The following RTL9 variants were observed in gnomAD, a reference collection of about 807,000 sequenced individuals.
The protein encoded by RTL9 is retrotransposon Gag like 9, also known as retrotransposon Gag-like protein 9.
In RTL9, 19 loss-of-function variants were observed where a neutral mutation model predicts 44.7. That is an observed-to-expected ratio of 0.42 (90% CI 0.30 to 0.62). RTL9 has a LOEUF of 0.62. Ranked by LOEUF, RTL9 falls within the 20% of genes least tolerant of loss-of-function variation. The pLI is 0.16. For missense variants in RTL9, 1,105 were observed against 1,080.6 expected, an observed-to-expected ratio of 1.02 and a Z score of -0.32; for synonymous variants, 407 against 398.9, an observed-to-expected ratio of 1.02 and a Z score of -0.24.
At chrX:110,359,803 G>A (rs780943529) in intron 1 of RTL9, among the ~76,000 whole-genome samples, 1 of 111,693 alleles carries the variant, frequency 9.0e-6, no homozygotes, top group African/African-American at 3.3e-5. Flanking sequence ...TGCCAAATGA[G>A]TGGTCTGGTC....
At chrX:110,448,788 G>A (rs1220515233), upstream of RTL9, among the ~76,000 whole-genome samples, 1 of 110,252 alleles carries the variant, frequency 9.1e-6, no homozygotes, top group East Asian at 2.8e-4. Context: ...GGCTGGGCAC[G>A]AGGTATAAGT....
intron 1 of RTL9, among the ~76,000 whole-genome samples, chrX:110,388,583 C>A (rs747923505): frequency 2.7e-5 from 3 of 112,037 alleles, no homozygotes; most frequent in Non-Finnish European, 3.8e-5. Context: ...TTATTTAAAG[C>A]CTTGCCTTAG....
intron 1 of RTL9, among the ~76,000 whole-genome samples, chrX:110,408,886 C>G (rs1256000772): frequency 4.5e-5 from 5 of 111,968 alleles, no homozygotes; most frequent in Middle Eastern, 9.3e-3. Flanking sequence ...ATATAGCTAT[C>G]TTTTTGAACT....
chrX:110,406,998 T>G (rs2068606920), intron 1 of RTL9, among the ~76,000 whole-genome samples: 1 of 111,796 alleles, frequency 8.9e-6, no homozygotes, highest in Admixed American at 9.6e-5. Flanking sequence ...GAATGCCTTC[T>G]TTGGCACCTG....
intron 1 of RTL9, among the ~76,000 whole-genome samples, chrX:110,419,416 G>T (rs2068701760): frequency 1.8e-5 from 2 of 112,464 alleles, no homozygotes; most frequent in Non-Finnish European, 3.8e-5. Context: ...CCCACAGTTA[G>T]ATGCCTCCTG....
At chrX:110,399,621 A>G (rs2068550935) in intron 1 of RTL9, among the ~76,000 whole-genome samples, 1 of 112,472 alleles carries the variant, frequency 8.9e-6, no homozygotes, top group African/African-American at 3.2e-5. Context: ...GCTGATGTGA[A>G]AGGCGACCTG....
At chrX:110,372,149 C>T (rs1034393297) in intron 1 of RTL9, among the ~76,000 whole-genome samples, 3 of 111,788 alleles carry the variant, frequency 2.7e-5, no homozygotes, top group African/African-American at 9.8e-5. Context: ...TCTTGGGCTT[C>T]TTATGATTGG....
chrX:110,431,180 T>C (rs2068793405), intron 1 of RTL9, among the ~76,000 whole-genome samples: 1 of 112,097 alleles, frequency 8.9e-6, no homozygotes, highest in Admixed American at 9.4e-5. Flanking sequence ...TCTGGGGGCC[T>C]TCCCTCTAAC....
At chrX:110,402,320 C>T (rs772566553) in intron 1 of RTL9, among the ~76,000 whole-genome samples, 57 of 113,064 alleles carry the variant, frequency 5.0e-4, no homozygotes, top group Non-Finnish European at 8.8e-4. Flanking sequence ...CCGTCATGGT[C>T]GGCATACAAT....
chrX:110,408,338 C>G (rs2068617174), intron 1 of RTL9, among the ~76,000 whole-genome samples: 1 of 111,756 alleles, frequency 8.9e-6, no homozygotes, highest in Non-Finnish European at 1.9e-5. Flanking sequence ...ATACTGCCCC[C>G]TAGGGGACTT....
At chrX:110,450,757 A>C (rs1354554112) in exon 1 of RTL9, 2 of 1,211,761 alleles carry the variant, frequency 1.7e-6, no homozygotes, top group South Asian at 3.5e-5. Flanking sequence ...TCTCATGTAC[A>C]GTTGCCTATA....
chrX:110,439,000 G>C (rs1404153977), intron 1 of RTL9, among the ~76,000 whole-genome samples: 2 of 112,082 alleles, frequency 1.8e-5, no homozygotes, highest in African/African-American at 6.5e-5. Context: ...TCCTAGCCAA[G>C]ATATTTCTCC....
chrX:110,419,834 GAAAT>G (rs1240348692), intron 1 of RTL9, among the ~76,000 whole-genome samples: 1 of 112,355 alleles, frequency 8.9e-6, no homozygotes, highest in Non-Finnish European at 1.9e-5. Context: ...TTAAACAAAA[GAAAT>G]AAAAAGCATA....
chrX:110,429,107 T>A (rs1316152396), intron 1 of RTL9, among the ~76,000 whole-genome samples: 2 of 112,010 alleles, frequency 1.8e-5, no homozygotes, highest in Admixed American at 1.9e-4. Flanking sequence ...ATTGCTCAAT[T>A]CTCATCTCCT....
upstream of RTL9, among the ~76,000 whole-genome samples, chrX:110,417,959 A>G (rs2068689780): frequency 8.9e-6 from 1 of 112,843 alleles, no homozygotes; most frequent in African/African-American, 3.2e-5. Context: ...TGCCATGTTC[A>G]GGGGCAAGAG....
At chrX:110,434,509 A>G (rs952180688) in intron 1 of RTL9, among the ~76,000 whole-genome samples, 6 of 111,574 alleles carry the variant, frequency 5.4e-5, no homozygotes, top group African/African-American at 2.0e-4. Context: ...GCACATGTCA[A>G]CAGGTAGAAA....
intron 1 of RTL9, among the ~76,000 whole-genome samples, chrX:110,359,891 A>G (rs2068251856): frequency 8.9e-6 from 1 of 112,207 alleles, no homozygotes; most frequent in African/African-American, 3.2e-5. Flanking sequence ...TGAACTTGGC[A>G]TAGAAGGGTA....
intron 1 of RTL9, among the ~76,000 whole-genome samples, chrX:110,404,548 T>C (rs2068585459): frequency 8.9e-6 from 1 of 112,077 alleles, no homozygotes; most frequent in Non-Finnish European, 1.9e-5. Context: ...GAAACTGTAA[T>C]TACGAAAGCT....
At chrX:110,379,509 G>A (rs2068403544) in intron 1 of RTL9, among the ~76,000 whole-genome samples, 1 of 111,745 alleles carries the variant, frequency 8.9e-6, no homozygotes, top group African/African-American at 3.3e-5. Flanking sequence ...GATCCACTCT[G>A]GGCCTTCTTT....
Sources: gnomAD v4.1 joint callset for allele counts (sites outside exome capture counted in the v4.1 genomes callset) on GRCh38, gnomAD v4.1.1 for gene constraint, MANE v1.5 for transcripts, NCBI Gene and HGNC (gene_info 2026-07-23, HGNC 2026-07-21) for gene names.